Variants in MAST2 observed in about 807,000 individuals in gnomAD.
MAST2 encodes microtubule-associated serine/threonine-protein kinase 2.
Under a neutral mutation model 147.4 loss-of-function variants are expected in MAST2, and 70 were observed. The ratio of observed to expected loss-of-function variants is 0.47; its 90% CI spans 0.39 to 0.58. The LOEUF is 0.58. MAST2 is among the 20% of genes least tolerant of loss of function. The pLI is 0.00. For synonymous variants in MAST2, 869 were observed against 896.8 expected (o/e 0.97, Z 0.55); for missense variants, 2,080 against 2,302.3 (o/e 0.90, Z 1.98).
At position 45,924,832 on chromosome 1, in the gene MAST2, G is replaced by A. The variant is rs183469088; in HGVS notation, c.501-34554G>A. ...TGTCCTTACGAGAAGAGGGGATTAG[G>A]ACACAGACAAGCACAGAGGGAAGGC... On this transcript the variant is annotated intron_variant, in intron 4 of 28. Coordinates refer to ENST00000361297, the MANE Select transcript of MAST2 (RefSeq NM_015112.3). 7.4e-4 allele frequency among the ~76,000 whole-genome samples: 112 copies of A among 152,280 alleles called. 2 individuals carry two copies. Among genetic ancestry groups the A allele is most frequent in the African/African-American group, 2.6e-3 (108 of 41,568 alleles).
rs761411865 is a variant in MAST2, at chr1:46,010,712, T to G, written c.979-18T>G. ...TGGAACTAGAAGGGAAGTGTTTCTT[T>G]CTTGCTTTTCTTCCCAGGCCACCGC... On this transcript the variant is annotated intron_variant, in intron 9 of 28. Coordinates refer to ENST00000361297, the MANE Select transcript of MAST2 (RefSeq NM_015112.3). 12 of 1,610,628 alleles carry G rather than the reference T, an allele frequency of 7.5e-6. No individual in the cohort carries two copies. The South Asian group carries it at 9.9e-5, about 13-fold the overall frequency.
At chr1:45,893,048 A>G (rs12045409) in intron 4 of MAST2, among the ~76,000 whole-genome samples, 121,219 of 152,142 alleles carry the variant, frequency 0.8, 48,778 homozygotes, top group East Asian at 0.98. Flanking sequence ...AAGAGATTCA[A>G]TGGGTCTGGA....
At chr1:45,907,993 G>T (rs960320568) in intron 4 of MAST2, among the ~76,000 whole-genome samples, 1 of 151,976 alleles carries the variant, frequency 6.6e-6, no homozygotes, top group Non-Finnish European at 1.5e-5. Context: ...TAGATTTGTT[G>T]TGATAACTCA....
chr1:45,965,132 C>T (rs1238547599), intron 5 of MAST2, among the ~76,000 whole-genome samples: 1 of 152,154 alleles, frequency 6.6e-6, no homozygotes, highest in Middle Eastern at 3.2e-3. Flanking sequence ...GAGTGCTTTA[C>T]TTCCAACTAT....
chr1:46,029,714 A>C, intron 19 of MAST2, 117 bp from the exon 20 acceptor site: 1 of 1,410,964 alleles, frequency 7.1e-7, no homozygotes. Flanking sequence ...AAAAGGGAAG[A>C]TGCTTGAGCT....
At chr1:45,889,895 A>T (rs1570568932) in intron 4 of MAST2, among the ~76,000 whole-genome samples, 3 of 152,292 alleles carry the variant, frequency 2.0e-5, no homozygotes, top group South Asian at 2.1e-4. Context: ...CTGGGACTAC[A>T]GGTGCGCTCC....
intron 3 of MAST2, among the ~76,000 whole-genome samples, chr1:45,872,189 T>A (rs1028361461): frequency 2.0e-5 from 3 of 152,134 alleles, no homozygotes; most frequent in African/African-American, 7.2e-5. Flanking sequence ...ATACGTATAG[T>A]GTGAGAATTC....
At chr1:45,862,375 G>C (rs1299427935) in intron 3 of MAST2, among the ~76,000 whole-genome samples, 1 of 152,040 alleles carries the variant, frequency 6.6e-6, no homozygotes, top group Non-Finnish European at 1.5e-5. Context: ...GGAAGGTTAA[G>C]TTACAATAAG....
At chr1:45,860,228 A>G (rs1645931417) in intron 3 of MAST2, among the ~76,000 whole-genome samples, 2 of 151,242 alleles carry the variant, frequency 1.3e-5, no homozygotes, top group South Asian at 2.1e-4. Context: ...ACACACACAC[A>G]CACAAATTAG....
At chr1:45,941,765 G>A (rs948990526) in intron 4 of MAST2, among the ~76,000 whole-genome samples, 2 of 152,072 alleles carry the variant, frequency 1.3e-5, no homozygotes, top group South Asian at 4.1e-4. Flanking sequence ...CAACATACTT[G>A]CCTTGTTCCT....
Position 46,036,049 on chromosome 1 carries a change from C to A in MAST2, c.5380C>A (p.Leu1794Ile). 6.2e-7 allele frequency: 1 copy of A among 1,607,774 alleles called. No homozygotes were observed. The highest frequency in any genetic ancestry group is 8.5e-7 in the Non-Finnish European group (1 of 1,176,916). Residue 1794 changes from leucine to isoleucine, a missense_variant, in exon 29 of 29, where the codon CTT (leucine) becomes ATT (isoleucine). Coordinates refer to ENST00000361297, the MANE Select transcript of MAST2 (RefSeq NM_015112.3). ...HRDLALVPDE[L>I]LKQT Reference sequence around the variant, plus strand: ...GGATTTGGCATTGGTTCCAGATGAGCTTTTAAAGCAAACATAGCAGTTGTT... The same window carrying A: ...GGATTTGGCATTGGTTCCAGATGAGATTTTAAAGCAAACATAGCAGTTGTT...
At position 46,024,226 on chromosome 1, in the gene MAST2, C is replaced by T. The variant is rs1458589240; in HGVS notation, c.1780+246C>T. The stretch of plus-strand genomic sequence containing the variant: ...GCAGGCCAGCAGCTATAGAATCTTG[C>T]ACCCCAAAGCCTGCACGCTCTCTAC... On this transcript the variant is annotated intron_variant, in intron 15 of 28. Transcript: ENST00000361297. 8.1e-6 allele frequency: 4 copies of T among 492,598 alleles called. No homozygotes were observed. The East Asian group carries it at 1.5e-4, about 19-fold the overall frequency. The allele number at this position is 492,598 out of a possible 1,614,324, so 30.5% of individuals were successfully genotyped here. A position where few individuals can be genotyped will look rare whatever the true frequency, so the allele number is the denominator to read the frequency against.
chr1:45,875,403 G>T (rs377738525), intron 3 of MAST2, among the ~76,000 whole-genome samples: 1 of 152,060 alleles, frequency 6.6e-6, no homozygotes, highest in Admixed American at 6.6e-5. Flanking sequence ...CCAAGATCGC[G>T]CCACTGCACT....
intron 4 of MAST2, among the ~76,000 whole-genome samples, chr1:45,939,273 C>T (rs1373591254): frequency 6.6e-6 from 1 of 152,164 alleles, no homozygotes; most frequent in African/African-American, 2.4e-5. Context: ...GGGTATCCTT[C>T]TACTATTGAA....
chr1:46,006,496 A>C (rs1645492228), intron 8 of MAST2, 101 bp downstream of exon 8: 1 of 1,209,000 alleles, frequency 8.3e-7, no homozygotes, highest in Non-Finnish European at 1.1e-6. Context: ...CAAGATAGTA[A>C]ATATTTTTAG....
At chr1:45,836,578 A>G (rs1343881890) in intron 3 of MAST2, among the ~76,000 whole-genome samples, 1 of 152,212 alleles carries the variant, frequency 6.6e-6, no homozygotes, top group Non-Finnish European at 1.5e-5. Flanking sequence ...AGTATTATAA[A>G]GAGATTCCAA....
chr1:45,926,479 T>TATGGCTTAGGTGA (rs1654383537), intron 4 of MAST2, among the ~76,000 whole-genome samples: 2 of 152,246 alleles, frequency 1.3e-5, no homozygotes, highest in Non-Finnish European at 2.9e-5. Context: ...GGTGAGGCAG[T>TATGGCTTAGGTGA]GGCAGCTGGG....
intron 5 of MAST2, among the ~76,000 whole-genome samples, chr1:45,967,673 A>T (rs1330329569): frequency 6.6e-6 from 1 of 152,176 alleles, no homozygotes; most frequent in Non-Finnish European, 1.5e-5. Context: ...TGGCAGAGGC[A>T]GAAGAGGTGG....
intron 4 of MAST2, among the ~76,000 whole-genome samples, chr1:45,896,174 T>TG (rs1304344913): frequency 1.6e-4 from 24 of 151,806 alleles, no homozygotes; most frequent in Admixed American, 3.9e-4. Flanking sequence ...ACTACAGACA[T>TG]GGGTGCCACC....
Sources: gnomAD v4.1 joint callset for allele counts (sites outside exome capture counted in the v4.1 genomes callset) on GRCh38, gnomAD v4.1.1 for gene constraint, MANE v1.5 for transcripts, NCBI Gene and HGNC (gene_info 2026-07-23, HGNC 2026-07-21) for gene names.